The following SLC9A1 variants were observed in gnomAD, a reference collection of about 807,000 sequenced individuals.
The protein encoded by SLC9A1 is solute carrier family 9 member A1.
Under a neutral mutation model 67.9 loss-of-function variants are expected in SLC9A1, and 22 were observed. That is an observed-to-expected ratio of 0.32 (90% CI 0.23 to 0.46). The LOEUF (loss-of-function observed/expected upper bound fraction) is 0.46. Ranked by LOEUF, SLC9A1 falls within the 20% of genes least tolerant of loss-of-function variation. The pLI, the probability that SLC9A1 is intolerant of heterozygous loss-of-function variation, is 1.00. For missense variants in SLC9A1, 686 were observed against 1,094.8 expected, an observed-to-expected ratio of 0.63 and a Z score of 5.27; for synonymous variants, 421 against 471.8, an observed-to-expected ratio of 0.89 and a Z score of 1.40.
intron 2 of SLC9A1, among the ~76,000 whole-genome samples, chr1:27,112,292 A>ACAC (rs2124151975): frequency 6.6e-6 from 1 of 152,276 alleles, no homozygotes; most frequent in South Asian, 2.1e-4. Flanking sequence ...CAGCAGCTGA[A>ACAC]CACCACAGTC....
Position 27,113,987 on chromosome 1 carries a change from G to T in SLC9A1, c.652C>A (p.Gln218Lys). ...MYAVCLVGGE[Q>K]INNIGLLDNL... ...TCCAGGAGGCCGATGTTGTTGATCTGCTCACCGCCCACCAGGCACACGGCG... is the reference window on the plus strand; with the variant it reads ...TCCAGGAGGCCGATGTTGTTGATCTTCTCACCGCCCACCAGGCACACGGCG... The change falls in exon 2 of 12, where the codon CAG becomes AAG. Residue 218 changes from glutamine (Q) to lysine (K), a missense_variant. Gln to Lys is a moderately conservative substitution (Grantham distance 53). Around this residue, in one of 7 missense-constraint regions of SLC9A1, gnomAD observed 49 missense variants for 73.1 expected, o/e 0.67. Coordinates refer to ENST00000263980, the MANE Select transcript of SLC9A1 (RefSeq NM_003047.5). The T allele has an allele frequency of 6.2e-7, 1 of 1,614,196 alleles. No homozygotes were observed.
At chr1:27,117,754 G>C (rs2083281256) in intron 1 of SLC9A1, among the ~76,000 whole-genome samples, 1 of 152,192 alleles carries the variant, frequency 6.6e-6, no homozygotes, top group Non-Finnish European at 1.5e-5. Flanking sequence ...GGCTCAGCAA[G>C]GTTATGCCAC....
At chr1:27,103,425 C>T in intron 5 of SLC9A1, 113 bp from the exon 6 acceptor site, 1 of 791,782 alleles carries the variant, frequency 1.3e-6, no homozygotes, top group Non-Finnish European at 2.3e-6. Flanking sequence ...CTCTGCTCTG[C>T]TCTCTCCCAG....
Position 27,114,433 on chromosome 1 carries a change from C to T in SLC9A1, c.353-147G>A. 4.8e-6 allele frequency: 3 copies of T among 630,266 alleles called. No individual in the cohort carries two copies. The highest frequency in any genetic ancestry group is 8.4e-6 in the Non-Finnish European group (3 of 356,030). The allele number at this position is 630,266 out of a possible 1,614,324, so 39.0% of individuals were successfully genotyped here. On this transcript the variant is annotated intron_variant, in intron 1 of 11. Transcript: ENST00000263980. This position sits in a 1 kb window ranked among gnomAD's most constrained non-coding sequence, Gnocchi z 5.4. ...GGGCTGCTCTGTTAACTCTCTGAGCCTCCGCTTCCTCGCCTGTAAAATGGA... is the reference window on the plus strand; with the variant it reads ...GGGCTGCTCTGTTAACTCTCTGAGCTTCCGCTTCCTCGCCTGTAAAATGGA...
chr1:27,111,953 T>C (rs2083231280), intron 2 of SLC9A1, among the ~76,000 whole-genome samples: 1 of 152,246 alleles, frequency 6.6e-6, no homozygotes, highest in African/African-American at 2.4e-5. Flanking sequence ...ACCTGCTTGA[T>C]GCAACCATGC....
chr1:27,119,320 G>A (rs892700631), intron 1 of SLC9A1, among the ~76,000 whole-genome samples: 2 of 152,082 alleles, frequency 1.3e-5, no homozygotes, highest in Non-Finnish European at 2.9e-5. Context: ...AGTCAGAGGG[G>A]AGTGCTGGGA....
intron 1 of SLC9A1, among the ~76,000 whole-genome samples, chr1:27,132,260 G>A (rs1017859715): frequency 2.6e-5 from 4 of 152,094 alleles, no homozygotes; most frequent in Non-Finnish European, 5.9e-5. Flanking sequence ...CAAAGGAGCA[G>A]GCTGGGGGCC....
chr1:27,112,603 G>A (rs2083235734), intron 2 of SLC9A1, among the ~76,000 whole-genome samples: 1 of 152,212 alleles, frequency 6.6e-6, no homozygotes, highest in Non-Finnish European at 1.5e-5. Context: ...GGTGAGGCTG[G>A]CTGGGCGCAG....
At position 27,109,066 on chromosome 1, in the gene SLC9A1, C is replaced by T. The variant is rs1355069112; in HGVS notation, c.1064+461G>A. On this transcript the variant is annotated intron_variant, in intron 3 of 11. Transcript: ENST00000263980. This position sits in a 1 kb window ranked among gnomAD's most constrained non-coding sequence, Gnocchi z 5.5. ...CACTGCCTCCCCACATCCCATTCTC[C>T]CCATTTCCAGACCCGGTGGAGACCT... is the stretch of plus-strand genomic sequence containing the variant. Among the ~76,000 whole-genome samples the T allele has an allele frequency of 2.0e-5, 3 of 152,156 alleles. No homozygotes were observed. Among genetic ancestry groups the T allele is most frequent in the Non-Finnish European group, 4.4e-5 (3 of 68,024 alleles).
chr1:27,119,415 A>G (rs2083291922), intron 1 of SLC9A1, among the ~76,000 whole-genome samples: 2 of 152,154 alleles, frequency 1.3e-5, no homozygotes. Context: ...TCCAGGCCTG[A>G]GGACTGCTCT....
intron 3 of SLC9A1, 64 bp from the exon 4 acceptor site, chr1:27,107,929 T>A: frequency 1.6e-6 from 2 of 1,261,392 alleles, no homozygotes; most frequent in African/African-American, 1.5e-5. Flanking sequence ...GCCCCTCCAC[T>A]GCCAGGGGCA....
chr1:27,107,084 A>G (rs2124139321), intron 4 of SLC9A1, among the ~76,000 whole-genome samples: 1 of 146,162 alleles, frequency 6.8e-6, no homozygotes, highest in Admixed American at 6.9e-5. Flanking sequence ...CATCACACAT[A>G]TACCCCCAGC....
At chr1:27,143,245 C>T (rs1160656396) in intron 1 of SLC9A1, among the ~76,000 whole-genome samples, 1 of 152,092 alleles carries the variant, frequency 6.6e-6, no homozygotes, top group Non-Finnish European at 1.5e-5. Context: ...AATCCCTTAG[C>T]AACCCCTCCT....
At chr1:27,102,620 C>T (rs1021640556) in intron 7 of SLC9A1, 53 bp downstream of exon 7, 6 of 1,611,326 alleles carry the variant, frequency 3.7e-6, no homozygotes, top group Middle Eastern at 1.7e-4. Flanking sequence ...ATGCCCAGGC[C>T]CAGGAGACCC....
chr1:27,137,961 G>A lies in SLC9A1; in HGVS notation c.352+16022C>T, dbSNP rs1222237385. Among the ~76,000 whole-genome samples the A allele has an allele frequency of 3.3e-5, 5 of 152,328 alleles. No individual in the cohort carries two copies. In the South Asian group the frequency reaches 6.2e-4, roughly 19 times the overall value. On this transcript the variant is annotated intron_variant, in intron 1 of 11. Transcript: ENST00000263980. This position sits in a 1 kb window ranked among gnomAD's most constrained non-coding sequence, Gnocchi z 4.6. ...GCTGGCTTGGCCAGTGGTGCCTGTC[G>A]GGAAGCTTTACTCTGTTGCCCTCAT...
chr1:27,102,579 A>G (rs1440693376), intron 7 of SLC9A1, 21 bp from the exon 8 acceptor site: 3 of 1,608,866 alleles, frequency 1.9e-6, no homozygotes, highest in Non-Finnish European at 2.5e-6. Flanking sequence ...GAGGAGGGAG[A>G]CGGATGGCGC....
In SLC9A1 at chr1:27,101,309, A is replaced by C. The variant is rs774981723; in HGVS notation, c.2038-34T>G. 6.4e-7 allele frequency: 1 copy of C among 1,566,622 alleles called. No homozygotes were observed. The highest frequency in any genetic ancestry group is 1.1e-5 in the South Asian group (1 of 90,122). On this transcript the variant is annotated intron_variant, in intron 10 of 11. Coordinates refer to ENST00000263980, the MANE Select transcript of SLC9A1 (RefSeq NM_003047.5). This position sits in a 1 kb window ranked among gnomAD's most constrained non-coding sequence, Gnocchi z 4.9. ...GAGGACAGACGGGGTGAGCACAGGC[A>C]GCTGGGCAGAGGGAGCCCCTCAGGA...
In SLC9A1 at chr1:27,101,266, AGTT is replaced by A. The variant is rs771706909; in HGVS notation, c.2044_2046del (p.Asn682del). The stretch of plus-strand genomic sequence containing the variant: ...AGCTTGTGGGCTGGCACCGTCAGGT[AGTT>A]GTTGATCTGACAGAGAGGACAGACG... On this transcript the variant is annotated inframe_deletion, in exon 11 of 12. Coordinates refer to ENST00000263980, the MANE Select transcript of SLC9A1 (RefSeq NM_003047.5). The surrounding 1 kb of genome is among the most constrained non-coding windows in gnomAD (Gnocchi z 4.9). The A allele has an allele frequency of 1.9e-6, 3 of 1,611,868 alleles. No individual in the cohort carries two copies. The highest frequency in any genetic ancestry group is 1.7e-5 in the Admixed American group (1 of 59,980).
chr1:27,120,412 C>T (rs1349055390), intron 1 of SLC9A1, among the ~76,000 whole-genome samples: 1 of 151,838 alleles, frequency 6.6e-6, no homozygotes, highest in Non-Finnish European at 1.5e-5. Flanking sequence ...AGGCGTGAGC[C>T]ACCGCACCTG....
Sources: allele counts gnomAD v4.1 joint callset (sites outside exome capture counted in the v4.1 genomes callset), GRCh38; gene constraint gnomAD v4.1.1; regional missense constraint gnomAD v4.1.1; non-coding constraint Gnocchi (gnomAD v3.1); transcripts MANE v1.5; gene names NCBI Gene and HGNC (gene_info 2026-07-23, HGNC 2026-07-21).